PANX1: variants seen among roughly 807,000 people sequenced by gnomAD.
The protein encoded by PANX1 is pannexin-1.
In PANX1, 30 loss-of-function variants were observed where a neutral mutation model predicts 38.7. The observed-to-expected ratio is 0.78, with a 90% confidence interval of 0.58 to 1.05. The LOEUF is 1.05. Among genes scored for constraint, PANX1 ranks in the 50% least tolerant of loss-of-function variants. PANX1 has a pLI of 0.00. For synonymous variants in PANX1, 230 were observed against 212.2 expected, an observed-to-expected ratio of 1.08 and a Z score of -0.73; for missense variants, 551 against 517.2, an observed-to-expected ratio of 1.07 and a Z score of -0.63.
At chr11:94,171,267 C>G (rs1412432675) in intron 2 of PANX1, among the ~76,000 whole-genome samples, 2 of 151,674 alleles carry the variant, frequency 1.3e-5, no homozygotes, top group Non-Finnish European at 2.9e-5. Flanking sequence ...TCACTTGAAA[C>G]TAACTTCAGG....
chr11:94,130,409 C>T (rs886125367), intron 1 of PANX1, among the ~76,000 whole-genome samples: 2 of 152,194 alleles, frequency 1.3e-5, no homozygotes, highest in African/African-American at 4.8e-5. Context: ...CACAGTGACT[C>T]TCCTAGCCAA....
At chr11:94,158,726 T>C (rs1331900615) in intron 2 of PANX1, among the ~76,000 whole-genome samples, 1 of 152,246 alleles carries the variant, frequency 6.6e-6, no homozygotes, top group African/African-American at 2.4e-5. Context: ...TTTTCCTGAT[T>C]GAATGCCCTT....
intron 1 of PANX1, among the ~76,000 whole-genome samples, chr11:94,134,102 G>T (rs962847669): frequency 6.6e-6 from 1 of 152,202 alleles, no homozygotes; most frequent in African/African-American, 2.4e-5. Flanking sequence ...AGGTTATATT[G>T]CGTGTGCCTC....
At chr11:94,180,391 T>G in intron 4 of PANX1, 134 bp downstream of exon 4, 1 of 732,036 alleles carries the variant, frequency 1.4e-6, no homozygotes, top group Non-Finnish European at 2.2e-6. Context: ...AATACCAAGG[T>G]GCGGGGTAGG....
intron 1 of PANX1, among the ~76,000 whole-genome samples, chr11:94,142,910 C>T (rs913749217): frequency 6.6e-6 from 1 of 152,212 alleles, no homozygotes; most frequent in Non-Finnish European, 1.5e-5. Flanking sequence ...AAATACCCAG[C>T]TCTGATGAAA....
At chr11:94,154,133 G>A (rs1335003554) in intron 2 of PANX1, among the ~76,000 whole-genome samples, 1 of 152,184 alleles carries the variant, frequency 6.6e-6, no homozygotes, top group Non-Finnish European at 1.5e-5. Flanking sequence ...CCCTCTGGGG[G>A]TGTTGGCTGT....
At chr11:94,130,183 G>C (rs1223185217) in intron 1 of PANX1, among the ~76,000 whole-genome samples, 1 of 152,186 alleles carries the variant, frequency 6.6e-6, no homozygotes, top group East Asian at 1.9e-4. Context: ...CAGCTGTTCT[G>C]ACTCTCCACA....
At chr11:94,172,825 C>T (rs1479893212) in intron 2 of PANX1, among the ~76,000 whole-genome samples, 3 of 151,842 alleles carry the variant, frequency 2.0e-5, no homozygotes, top group South Asian at 4.1e-4. Context: ...CTCCTTGTCA[C>T]TTGGTTCTAC....
chr11:94,152,156 C>T (rs1483527811), intron 1 of PANX1, among the ~76,000 whole-genome samples: 1 of 152,178 alleles, frequency 6.6e-6, no homozygotes, highest in Non-Finnish European at 1.5e-5. Flanking sequence ...ACATCCCAGT[C>T]TTTAAGGCAA....
chr11:94,141,434 C>T (rs539322258), intron 1 of PANX1, among the ~76,000 whole-genome samples: 14 of 152,154 alleles, frequency 9.2e-5, no homozygotes, highest in Non-Finnish European at 1.8e-4. Context: ...TTGGCGGTGT[C>T]TGGTGACTGC....
chr11:94,129,247 C>A lies in PANX1; in HGVS notation c.-66C>A. On this transcript the variant is annotated 5_prime_UTR_variant, in exon 1 of 5. Coordinates refer to ENST00000227638, the MANE Select transcript of PANX1 (RefSeq NM_015368.4). ...CGCCCGGCCGGTGACTGGGTGAAGGCGCCGCGCAGCTTTCCCGACGCCGGC... is the reference window on the plus strand; with the variant it reads ...CGCCCGGCCGGTGACTGGGTGAAGGAGCCGCGCAGCTTTCCCGACGCCGGC... 7.0e-7 allele frequency: 1 copy of A among 1,421,570 alleles called. No homozygotes were observed. The highest frequency in any genetic ancestry group is 9.6e-7 in the Non-Finnish European group (1 of 1,039,470). 88.1% of individuals were successfully genotyped at this position (1,421,570 alleles called of 1,614,324 possible).
At chr11:94,155,377 G>C (rs1020386446) in intron 2 of PANX1, among the ~76,000 whole-genome samples, 7 of 149,934 alleles carry the variant, frequency 4.7e-5, no homozygotes, top group African/African-American at 1.7e-4. Context: ...AGCCAGGCAT[G>C]CTGGTGCATG....
intron 2 of PANX1, among the ~76,000 whole-genome samples, chr11:94,177,564 G>T (rs75500319): frequency 0.016 from 2,401 of 152,298 alleles, 42 homozygotes; most frequent in South Asian, 0.065. Flanking sequence ...TGCACTGACT[G>T]CAATTTACGG....
chr11:94,138,080 C>T (rs117829210), intron 1 of PANX1, among the ~76,000 whole-genome samples: 4,710 of 151,884 alleles, frequency 0.031, 112 homozygotes, highest in Non-Finnish European at 0.048. Context: ...TTGTATAATT[C>T]TAATTACAAG....
chr11:94,175,960 T>A, intron 2 of PANX1: 4 of 908,294 alleles, frequency 4.4e-6, no homozygotes, highest in Non-Finnish European at 5.3e-6. Context: ...AGAGATTCCT[T>A]ATGTGGGTCT....
intron 2 of PANX1, among the ~76,000 whole-genome samples, chr11:94,162,147 G>C (rs909779655): frequency 1.3e-5 from 2 of 152,202 alleles, no homozygotes; most frequent in Admixed American, 6.5e-5. Context: ...GTGCCTCCCA[G>C]TTAGGCTGCT....
At chr11:94,175,841 G>A in intron 2 of PANX1, 1 of 984,712 alleles carries the variant, frequency 1.0e-6, no homozygotes, top group Non-Finnish European at 1.2e-6. Context: ...TAATACTTTT[G>A]AAACACCTCA....
chr11:94,132,843 A>G lies in PANX1; in HGVS notation c.181+3350A>G, dbSNP rs536599053. On this transcript the variant is annotated intron_variant, in intron 1 of 4. Coordinates refer to ENST00000227638, the MANE Select transcript of PANX1 (RefSeq NM_015368.4). ...TTGTGGCGATTTTTCCTTTAAATAA[A>G]TGATTTTTTACTTTAAAGAAAATCT... Among the ~76,000 whole-genome samples, 7 of 152,336 alleles carry G rather than the reference A, an allele frequency of 4.6e-5. No individual in the cohort carries two copies. In the South Asian group the frequency reaches 1.4e-3, roughly 32 times the overall value.
At position 94,165,607 on chromosome 11, in the gene PANX1, C is replaced by T. The variant is rs7934346; in HGVS notation, c.321+11977C>T. ...CTGTGATTGGAATTAAGTTATCTTCCGTTTAAAATAATTGGTTATGTGGCC... is the reference window on the plus strand; with the variant it reads ...CTGTGATTGGAATTAAGTTATCTTCTGTTTAAAATAATTGGTTATGTGGCC... On this transcript the variant is annotated intron_variant, in intron 2 of 4. Coordinates refer to ENST00000227638, the MANE Select transcript of PANX1 (RefSeq NM_015368.4). Among the ~76,000 whole-genome samples the T allele has an allele frequency of 7.1e-3, 1,085 of 152,104 alleles. 11 individuals carry two copies. The highest frequency in any genetic ancestry group is 0.022 in the African/African-American group (897 of 41,474).
Sources: gnomAD v4.1 joint callset for allele counts (sites outside exome capture counted in the v4.1 genomes callset) on GRCh38, gnomAD v4.1.1 for gene constraint, MANE v1.5 for transcripts, NCBI Gene and HGNC (gene_info 2026-07-23, HGNC 2026-07-21) for gene names.